TTPA: variants seen among roughly 807,000 people sequenced by gnomAD.
The protein encoded by TTPA is alpha tocopherol transfer protein, also known as alpha-tocopherol transfer protein.
A neutral mutation model predicts 25.9 loss-of-function variants in TTPA; 23 were observed. The observed-to-expected ratio is 0.89, with a 90% CI of 0.64 to 1.26. The LOEUF is 1.26. Ranked by LOEUF, TTPA falls within the 50% of genes most tolerant of loss-of-function variation. TTPA has a pLI of 0.00. For missense variants in TTPA, 337 were observed against 353.1 expected (o/e 0.95, Z 0.37); for synonymous variants, 148 against 137.3 (o/e 1.08, Z -0.54).
At chr8:63,079,700 G>C (rs1805630383) in intron 1 of TTPA, among the ~76,000 whole-genome samples, 2 of 152,138 alleles carry the variant, frequency 1.3e-5, no homozygotes, top group Non-Finnish European at 2.9e-5. Context: ...AAGAGACTTA[G>C]ACTCCCACAC....
chr8:63,080,348 C>T (rs1805640074), intron 1 of TTPA, among the ~76,000 whole-genome samples: 1 of 152,100 alleles, frequency 6.6e-6, no homozygotes, highest in South Asian at 2.1e-4. Context: ...GATAGAGATA[C>T]AAAAAACCCT....
chr8:63,079,535 G>C (rs561979691), intron 1 of TTPA, among the ~76,000 whole-genome samples: 12 of 152,206 alleles, frequency 7.9e-5, no homozygotes, highest in Admixed American at 7.2e-4. Context: ...CCTAGTCTCT[G>C]ATAAAACAGA....
chr8:63,063,011 C>G (rs548574586), intron 4 of TTPA, among the ~76,000 whole-genome samples: 2 of 152,162 alleles, frequency 1.3e-5, no homozygotes, highest in Non-Finnish European at 2.9e-5. Flanking sequence ...GCATCCACTG[C>G]ATAACCTCTA....
At chr8:63,068,586 C>T (rs7819204) in intron 2 of TTPA, among the ~76,000 whole-genome samples, 2,600 of 152,162 alleles carry the variant, frequency 0.017, 79 homozygotes, top group African/African-American at 0.06. Flanking sequence ...TGGTGGACAT[C>T]ACTAACAAAG....
chr8:63,077,913 C>T (rs1805589723), intron 1 of TTPA, among the ~76,000 whole-genome samples: 2 of 152,172 alleles, frequency 1.3e-5, no homozygotes, highest in Non-Finnish European at 2.9e-5. Context: ...CCAGTAGGGG[C>T]CGACAGACAC....
intron 2 of TTPA, among the ~76,000 whole-genome samples, chr8:63,070,795 G>A (rs750188349): frequency 1.1e-4 from 16 of 152,120 alleles, no homozygotes; most frequent in Non-Finnish European, 2.2e-4. Flanking sequence ...AATCTAGCCA[G>A]ACAATGCAGA....
At chr8:63,062,099 G>A (rs943936820) in intron 4 of TTPA, among the ~76,000 whole-genome samples, 1 of 152,066 alleles carries the variant, frequency 6.6e-6, no homozygotes, top group South Asian at 2.1e-4. Flanking sequence ...GTGGGCTGAG[G>A]CAGGAGGATT....
chr8:63,064,177 G>T, intron 4 of TTPA, 29 bp downstream of exon 4: 1 of 1,500,556 alleles, frequency 6.7e-7, no homozygotes, highest in South Asian at 1.1e-5. Flanking sequence ...TGGTGTAGAG[G>T]AACACAGACT....
At chr8:63,082,155 T>C (rs1249052193) in intron 1 of TTPA, among the ~76,000 whole-genome samples, 11 of 152,106 alleles carry the variant, frequency 7.2e-5, no homozygotes, top group Non-Finnish European at 1.3e-4. Context: ...AAAGTTCATA[T>C]TGAACCAAAA....
chr8:63,064,412 G>A, intron 3 of TTPA, 96 bp from the exon 4 acceptor site: 1 of 835,560 alleles, frequency 1.2e-6, no homozygotes, highest in Non-Finnish European at 1.9e-6. Flanking sequence ...TAAGCTTATG[G>A]AAATATCTAA....
intron 3 of TTPA, among the ~76,000 whole-genome samples, chr8:63,065,481 A>G (rs898068114): frequency 6.6e-6 from 1 of 152,296 alleles, no homozygotes; most frequent in South Asian, 2.1e-4. Flanking sequence ...TTTCCCAGAA[A>G]TAGAATTACT....
At chr8:63,076,056 G>A (rs1805557958) in intron 1 of TTPA, among the ~76,000 whole-genome samples, 1 of 152,168 alleles carries the variant, frequency 6.6e-6, no homozygotes, top group Non-Finnish European at 1.5e-5. Context: ...CAAGTGCAGT[G>A]TATTTGACAG....
chr8:63,077,592 C>T (rs1805584389), intron 1 of TTPA, among the ~76,000 whole-genome samples: 1 of 152,230 alleles, frequency 6.6e-6, no homozygotes, highest in Admixed American at 6.5e-5. Flanking sequence ...TTCAAGGCGG[C>T]AGCCTGGCTG....
intron 1 of TTPA, among the ~76,000 whole-genome samples, chr8:63,080,481 G>A (rs1367094508): frequency 6.6e-6 from 1 of 152,096 alleles, no homozygotes; most frequent in African/African-American, 2.4e-5. Flanking sequence ...CAGCACTTTG[G>A]GAGGCCAAGG....
chr8:63,069,628 C>T (rs370666205), intron 2 of TTPA, among the ~76,000 whole-genome samples: 2 of 151,538 alleles, frequency 1.3e-5, no homozygotes, highest in Admixed American at 6.6e-5. Context: ...CCAGCTACTC[C>T]AAAAGCCGAA....
At chr8:63,059,341 GT>G (rs1805263285), downstream of TTPA, among the ~76,000 whole-genome samples, 1 of 152,084 alleles carries the variant, frequency 6.6e-6, no homozygotes, top group South Asian at 2.1e-4. Context: ...CCAGGGTCCA[GT>G]TTTTTAATAA....
At chr8:63,065,256 T>A (rs1805371097) in intron 3 of TTPA, among the ~76,000 whole-genome samples, 1 of 152,182 alleles carries the variant, frequency 6.6e-6, no homozygotes. Flanking sequence ...CTCACTTCAC[T>A]ACTGGCAAAC....
rs748038814 is a variant in TTPA at position 63,066,055 on chromosome 8, C to T, written c.401G>A (p.Arg134Gln). The stretch of plus-strand genomic sequence containing the variant: ...AAGCTCGGATGTGATTAGACTTACT[C>T]GAAATACGTCATAAGCTGTAAAAAC... The part of the protein sequence containing the change: ...PKVFTAYDVF[R>Q]VSLITSELIV... The change falls in exon 3 of 5, where the codon CGA becomes CAA. Residue 134 changes from arginine to glutamine, a missense_variant. Coordinates refer to ENST00000260116, the MANE Select transcript of TTPA (RefSeq NM_000370.3). 8.7e-6 allele frequency: 14 copies of T among 1,612,414 alleles called. No individual in the cohort carries two copies. The highest frequency in any genetic ancestry group is 1.1e-5 in the Non-Finnish European group (13 of 1,179,816).
rs202184685 is a variant in TTPA at position 63,067,505 on chromosome 8, G to GA, written c.359-1409dup. ...AGTGCCTAACAGGATGAACGAAAAA[G>GA]AAAAAAAAATCATAACTAAGCAATA... On this transcript the variant is annotated intron_variant, in intron 2 of 4. Coordinates refer to ENST00000260116, the MANE Select transcript of TTPA (RefSeq NM_000370.3). Among the ~76,000 whole-genome samples, 293 of 35,552 alleles carry GA rather than the reference G, an allele frequency of 8.2e-3. 1 individual carries two copies. Among genetic ancestry groups the GA allele is most frequent in the African/African-American group, 0.027 (277 of 10,182 alleles). The allele number at this position is 35,552 out of a possible 152,430, so 23.3% of individuals were successfully genotyped here. A position where few individuals can be genotyped will look rare whatever the true frequency, so the allele number is the denominator to read the frequency against.
Sources: allele counts gnomAD v4.1 joint callset (sites outside exome capture counted in the v4.1 genomes callset), GRCh38; gene constraint gnomAD v4.1.1; transcripts MANE v1.5; gene names NCBI Gene and HGNC (gene_info 2026-07-23, HGNC 2026-07-21).